Variants in RBFOX2 observed in about 807,000 individuals in gnomAD.
RBFOX2 encodes the protein RNA binding protein fox-1 homolog 2.
A neutral mutation model predicts 49.1 loss-of-function variants in RBFOX2; 10 were observed. The observed-to-expected ratio is 0.20, with a 90% CI of 0.13 to 0.35. The LOEUF (loss-of-function observed/expected upper bound fraction) is 0.35, where lower values mean the gene tolerates loss of function less well. Among genes scored for constraint, RBFOX2 ranks in the 10% least tolerant of loss-of-function variants. The probability of loss-of-function intolerance (pLI) is 1.00; values close to 1 mark genes in which losing one functional copy is unlikely to be tolerated. For synonymous variants in RBFOX2, 183 were observed against 187.4 expected, an observed-to-expected ratio of 0.98 and a Z score of 0.19; for missense variants, 323 against 486.9, an observed-to-expected ratio of 0.66 and a Z score of 3.17.
chr22:35,783,370 C>T (rs1414488333), intron 2 of RBFOX2, among the ~76,000 whole-genome samples: 2 of 152,164 alleles, frequency 1.3e-5, no homozygotes, highest in Non-Finnish European at 2.9e-5. Context: ...AGCCTTGTTT[C>T]CATGATGCCA....
Position 35,948,785 on chromosome 22 carries a change from GTTTCC to G in RBFOX2, c.43-9893_43-9889del, listed in dbSNP as rs1224704321. Among the ~76,000 whole-genome samples, 11 of 151,974 alleles carry G rather than the reference GTTTCC, an allele frequency of 7.2e-5. No individual in the cohort carries two copies. The East Asian group carries it at 1.2e-3, about 16-fold the overall frequency. On this transcript the variant is annotated intron_variant, in intron 1 of 5. Coordinates refer to the RBFOX2 transcript ENST00000408983. ...GATCATACTATAAATATTCTTTGCAGTTTCCTTTCATCTTTTTTTAAAACTGTGGT... is the reference window on the plus strand; with the variant it reads ...GATCATACTATAAATATTCTTTGCAGTTTCATCTTTTTTTAAAACTGTGGT...
intron 1 of RBFOX2, among the ~76,000 whole-genome samples, chr22:35,986,766 C>G (rs2057742700): frequency 6.6e-6 from 1 of 152,126 alleles, no homozygotes; most frequent in African/African-American, 2.4e-5. Context: ...AGAAAGTTAT[C>G]AACATTAACT....
At chr22:35,961,402 T>C (rs1314437536) in intron 1 of RBFOX2, among the ~76,000 whole-genome samples, 1 of 152,102 alleles carries the variant, frequency 6.6e-6, no homozygotes, top group African/African-American at 2.4e-5. Context: ...TTCAGAATGG[T>C]TTCCAGATTT....
intron 1 of RBFOX2, chr22:35,994,417 A>ATTTT (rs2058105233): frequency 6.9e-6 from 1 of 145,798 alleles, no homozygotes; most frequent in African/African-American, 2.5e-5. Flanking sequence ...TTATTTATTT[A>ATTTT]TTTTTTGAGA....
At chr22:35,914,552 C>T (rs1276710514) in intron 1 of RBFOX2, among the ~76,000 whole-genome samples, 2 of 152,202 alleles carry the variant, frequency 1.3e-5, no homozygotes, top group African/African-American at 2.4e-5. Context: ...AGGAACAATC[C>T]CTTAGGGATG....
At chr22:35,810,188 G>C (rs975598219) in intron 1 of RBFOX2, among the ~76,000 whole-genome samples, 184 bp from the exon 3 acceptor site, 2 of 142,598 alleles carry the variant, frequency 1.4e-5, no homozygotes, top group African/African-American at 5.1e-5. Context: ...TATGTGGACA[G>C]ACACACACAC....
chr22:36,025,289 C>A (rs993717283), intron 1 of RBFOX2, among the ~76,000 whole-genome samples: 37 of 152,316 alleles, frequency 2.4e-4, no homozygotes, highest in African/African-American at 7.9e-4. Flanking sequence ...TCTACCTGAA[C>A]CCTCTTTCCG....
intron 1 of RBFOX2, among the ~76,000 whole-genome samples, chr22:36,017,397 G>A (rs563023820): frequency 6.6e-6 from 1 of 152,114 alleles, no homozygotes; most frequent in South Asian, 2.1e-4. Flanking sequence ...CTTGGTGGTG[G>A]GTGCCTGTAA....
intron 1 of RBFOX2, among the ~76,000 whole-genome samples, chr22:35,971,007 A>C (rs2056840703): frequency 6.6e-6 from 1 of 152,120 alleles, no homozygotes; most frequent in Non-Finnish European, 1.5e-5. Context: ...ATATATATAA[A>C]ATATATCCCT....
At chr22:35,911,921 A>C (rs1238200134) in intron 1 of RBFOX2, among the ~76,000 whole-genome samples, 1 of 152,074 alleles carries the variant, frequency 6.6e-6, no homozygotes, top group African/African-American at 2.4e-5. Flanking sequence ...AAACCTCAAC[A>C]ACATTTGCTG....
At chr22:35,846,746 ACT>A (rs2041276070) in intron 1 of RBFOX2, among the ~76,000 whole-genome samples, 1 of 151,882 alleles carries the variant, frequency 6.6e-6, no homozygotes, top group African/African-American at 2.4e-5. Context: ...CAAGAAAGAA[ACT>A]CTGTTTCAAA....
intron 1 of RBFOX2, among the ~76,000 whole-genome samples, chr22:35,976,895 C>T (rs1406472160): frequency 1.3e-5 from 2 of 149,750 alleles, no homozygotes; most frequent in Admixed American, 6.7e-5. Context: ...ACCCAGGAGG[C>T]GGAGGTTGCA....
At chr22:35,859,266 G>C (rs1481748568) in intron 1 of RBFOX2, among the ~76,000 whole-genome samples, 1 of 152,094 alleles carries the variant, frequency 6.6e-6, no homozygotes, top group Non-Finnish European at 1.5e-5. Context: ...AAACTAGCGG[G>C]AGTTTTCTAG....
intron 1 of RBFOX2, among the ~76,000 whole-genome samples, chr22:35,849,657 A>C (rs773291081): frequency 3.3e-4 from 51 of 152,314 alleles, no homozygotes; most frequent in African/African-American, 1.2e-3. Context: ...CAGTACAAAA[A>C]GTGTCTAAGT....
intron 2 of RBFOX2, among the ~76,000 whole-genome samples, chr22:35,808,300 C>A (rs568814422): frequency 1.3e-5 from 2 of 151,876 alleles, no homozygotes; most frequent in East Asian, 3.9e-4. Flanking sequence ...TCTATTGTAG[C>A]CAATTATTTC....
At chr22:35,811,140 G>A (rs1223080894) in intron 1 of RBFOX2, among the ~76,000 whole-genome samples, 1 of 151,840 alleles carries the variant, frequency 6.6e-6, no homozygotes, top group East Asian at 1.9e-4. Context: ...CAATAGTGGT[G>A]AAAGAAAAAA....
chr22:35,747,375 G>A (rs1275190955), intron 9 of RBFOX2: 3 of 152,160 alleles, frequency 2.0e-5, no homozygotes, highest in Admixed American at 6.5e-5. Context: ...TTCCCTAAAA[G>A]GTTTTGAGAT....
intron 1 of RBFOX2, among the ~76,000 whole-genome samples, chr22:35,881,502 A>T (rs2045890853): frequency 6.6e-6 from 1 of 152,008 alleles, no homozygotes; most frequent in East Asian, 1.9e-4. Flanking sequence ...GGATAGCTTG[A>T]ATCCAGGAGA....
intron 1 of RBFOX2, chr22:36,000,145 C>G (rs1603464563): frequency 1.3e-5 from 2 of 151,494 alleles, no homozygotes; most frequent in Non-Finnish European, 2.9e-5. Context: ...GGATTACGGA[C>G]ACCCGCCACT....
Sources: allele counts gnomAD v4.1 joint callset (sites outside exome capture counted in the v4.1 genomes callset), GRCh38; gene constraint gnomAD v4.1.1; transcripts MANE v1.5; gene names NCBI Gene and HGNC (gene_info 2026-07-23, HGNC 2026-07-21).